The following GRID2 variants were observed in gnomAD, a reference collection of about 807,000 sequenced individuals.
The protein encoded by GRID2 is glutamate ionotropic receptor delta type subunit 2.
Under a neutral mutation model 114.8 loss-of-function variants are expected in GRID2, and 33 were observed. That is an observed-to-expected ratio of 0.29 (90% CI 0.22 to 0.38). GRID2 has a LOEUF of 0.38. GRID2 is among the 10% of genes least tolerant of loss of function. The pLI is 1.00. For synonymous variants in GRID2, 505 were observed against 449.9 expected (o/e 1.12, Z -1.55); for missense variants, 1,184 against 1,257.7 (o/e 0.94, Z 0.89).
chr4:93,013,384 A>G (rs1722375361), intron 2 of GRID2, among the ~76,000 whole-genome samples: 1 of 151,978 alleles, frequency 6.6e-6, no homozygotes, highest in African/African-American at 2.4e-5. Flanking sequence ...ATGTCTTCAT[A>G]TTTAGTTAAT....
chr4:92,627,624 T>A (rs1157835734), intron 2 of GRID2, among the ~76,000 whole-genome samples: 1 of 152,144 alleles, frequency 6.6e-6, no homozygotes, highest in Non-Finnish European at 1.5e-5. Flanking sequence ...CCATTGGTGA[T>A]GCATCCCAGC....
chr4:93,171,878 C>T (rs751737116), intron 4 of GRID2, among the ~76,000 whole-genome samples: 25 of 152,144 alleles, frequency 1.6e-4, no homozygotes, highest in Non-Finnish European at 3.5e-4. Context: ...ATAGCCATAG[C>T]TTCATATGAC....
intron 14 of GRID2, among the ~76,000 whole-genome samples, chr4:93,732,927 A>T (rs1159753211): frequency 6.6e-6 from 1 of 152,098 alleles, no homozygotes; most frequent in Non-Finnish European, 1.5e-5. Context: ...AAAATAAAAA[A>T]AAAAAAAGAA....
chr4:93,116,838 T>C (rs1733314247), intron 4 of GRID2, among the ~76,000 whole-genome samples: 1 of 152,026 alleles, frequency 6.6e-6, no homozygotes, highest in Non-Finnish European at 1.5e-5. Flanking sequence ...ACAAGTTCAA[T>C]GATAATGAAT....
intron 14 of GRID2, among the ~76,000 whole-genome samples, chr4:93,722,266 T>C (rs1018533425): frequency 2.6e-5 from 4 of 152,148 alleles, no homozygotes; most frequent in Non-Finnish European, 5.9e-5. Flanking sequence ...TACTATATAC[T>C]TTATACCTTA....
At chr4:92,521,900 T>G (rs1237039583) in intron 1 of GRID2, among the ~76,000 whole-genome samples, 2 of 152,006 alleles carry the variant, frequency 1.3e-5, no homozygotes, top group Non-Finnish European at 2.9e-5. Context: ...ATTCATTTAA[T>G]AATACATGTA....
At chr4:93,041,112 ATAT>A (rs1297001322) in intron 2 of GRID2, among the ~76,000 whole-genome samples, 14 of 152,292 alleles carry the variant, frequency 9.2e-5, no homozygotes, top group African/African-American at 2.4e-4. Flanking sequence ...AATAAATAAA[ATAT>A]TATTAGTGAA....
chr4:93,413,812 T>C (rs1767443846), intron 9 of GRID2, among the ~76,000 whole-genome samples: 1 of 152,206 alleles, frequency 6.6e-6, no homozygotes, highest in Admixed American at 6.5e-5. Context: ...AAAAAGAAAG[T>C]ATACATTTTA....
intron 2 of GRID2, among the ~76,000 whole-genome samples, chr4:92,639,741 G>C (rs1731252205): frequency 6.6e-6 from 1 of 151,540 alleles, no homozygotes; most frequent in Non-Finnish European, 1.5e-5. Context: ...TCACCACTAT[G>C]TAATGTAACA....
At chr4:93,179,517 ATTAT>A (rs1739682563) in intron 4 of GRID2, among the ~76,000 whole-genome samples, 1 of 152,164 alleles carries the variant, frequency 6.6e-6, no homozygotes. Flanking sequence ...CCCACTGGTA[ATTAT>A]TTATCCCGAA....
intron 14 of GRID2, among the ~76,000 whole-genome samples, chr4:93,751,411 A>C (rs1463456715): frequency 6.6e-6 from 1 of 151,766 alleles, no homozygotes; most frequent in African/African-American, 2.4e-5. Context: ...CTTCTTGGTG[A>C]GTGAACTCTT....
chr4:93,215,305 A>G (rs1049480206), intron 5 of GRID2, among the ~76,000 whole-genome samples: 1 of 152,058 alleles, frequency 6.6e-6, no homozygotes, highest in African/African-American at 2.4e-5. Context: ...CCTTCAAATG[A>G]AAGTTCCTGT....
chr4:92,313,078 G>GAT (rs1491269829), intron 1 of GRID2, among the ~76,000 whole-genome samples: 1 of 116,884 alleles, frequency 8.6e-6, no homozygotes, highest in Non-Finnish European at 1.8e-5. Flanking sequence ...AAGAAACTCT[G>GAT]ATATGTGTGT....
chr4:92,805,449 G>A (rs1311855739), intron 2 of GRID2, among the ~76,000 whole-genome samples: 2 of 152,006 alleles, frequency 1.3e-5, no homozygotes, highest in African/African-American at 4.8e-5. Context: ...TCAGCATTGG[G>A]TCTGAGAATT....
At chr4:92,448,307 C>T (rs1033267179) in intron 1 of GRID2, among the ~76,000 whole-genome samples, 6 of 151,970 alleles carry the variant, frequency 3.9e-5, no homozygotes, top group Admixed American at 1.3e-4. Context: ...CCTGAATAGC[C>T]GGGACTATAG....
chr4:93,612,387 A>T (rs1290184135), intron 13 of GRID2, among the ~76,000 whole-genome samples: 1 of 145,870 alleles, frequency 6.9e-6, no homozygotes, highest in East Asian at 2.0e-4. Flanking sequence ...TTGTTAGTTG[A>T]TGCAGTTTCT....
intron 2 of GRID2, among the ~76,000 whole-genome samples, chr4:92,708,039 G>C (rs1333370158): frequency 6.6e-6 from 1 of 152,144 alleles, no homozygotes; most frequent in Non-Finnish European, 1.5e-5. Flanking sequence ...AATGGTGAGA[G>C]ACAGAGAAGG....
At chr4:92,909,200 T>C (rs1748185502) in intron 2 of GRID2, among the ~76,000 whole-genome samples, 1 of 151,854 alleles carries the variant, frequency 6.6e-6, no homozygotes, top group South Asian at 2.1e-4. Context: ...ATAAAAAGTT[T>C]ACTGGTTGAA....
chr4:93,013,516 T>TTA (rs922376358), intron 2 of GRID2, among the ~76,000 whole-genome samples: 19 of 151,754 alleles, frequency 1.3e-4, no homozygotes, highest in African/African-American at 2.4e-4. Flanking sequence ...ATTTATGTAT[T>TTA]TATATATATA....
Sources: gnomAD v4.1 joint callset for allele counts (sites outside exome capture counted in the v4.1 genomes callset) on GRCh38, gnomAD v4.1.1 for gene constraint, MANE v1.5 for transcripts, NCBI Gene and HGNC (gene_info 2026-07-23, HGNC 2026-07-21) for gene names.